Variants in BRCA1 observed in about 807,000 individuals in gnomAD.
BRCA1 encodes the protein breast cancer type 1 susceptibility protein.
A neutral mutation model predicts 173.7 loss-of-function variants in BRCA1; 140 were observed. The observed-to-expected ratio is 0.81, with a 90% CI of 0.70 to 0.93. BRCA1 has a LOEUF of 0.93. Among genes scored for constraint, BRCA1 ranks in the 40% least tolerant of loss-of-function variants. The probability of loss-of-function intolerance (pLI) is 0.00; values close to 1 mark genes in which losing one functional copy is unlikely to be tolerated. For missense variants in BRCA1, 1,983 were observed against 2,172.5 expected, an observed-to-expected ratio of 0.91 and a Z score of 1.73; for synonymous variants, 662 against 756.0, an observed-to-expected ratio of 0.88 and a Z score of 2.04.
intron 1 of BRCA1, among the ~76,000 whole-genome samples, chr17:43,147,559 C>T (rs1191242869): frequency 3.3e-5 from 5 of 152,096 alleles, no homozygotes; most frequent in African/African-American, 9.7e-5. Flanking sequence ...CCACCCGCCT[C>T]GGCCTCCCAA....
intron 1 of BRCA1, chr17:43,138,588 G>A: frequency 1.4e-6 from 1 of 727,082 alleles, no homozygotes; most frequent in Non-Finnish European, 2.6e-6. Flanking sequence ...TCCCCACCAT[G>A]CCTGGATGTG....
At chr17:43,164,185 G>A (rs1373445622) in intron 1 of BRCA1, 3 of 152,218 alleles carry the variant, frequency 2.0e-5, no homozygotes, top group African/African-American at 7.2e-5. Context: ...TGATCCTCTA[G>A]TAAAACGAAT....
At chr17:43,143,193 G>A (rs375940735) in intron 1 of BRCA1, among the ~76,000 whole-genome samples, 18 of 149,630 alleles carry the variant, frequency 1.2e-4, no homozygotes, top group African/African-American at 4.2e-4. Flanking sequence ...CGCCTGCCTT[G>A]GCCTCCCAAA....
At chr17:43,062,621 C>T (rs569237216) in intron 18 of BRCA1, among the ~76,000 whole-genome samples, 9 of 151,428 alleles carry the variant, frequency 5.9e-5, no homozygotes, top group African/African-American at 1.7e-4. Context: ...TTTTTTAAGA[C>T]GGAGTCTCGC....
At chr17:43,149,316 C>T (rs573291863) in intron 1 of BRCA1, among the ~76,000 whole-genome samples, 8 of 151,190 alleles carry the variant, frequency 5.3e-5, no homozygotes, top group African/African-American at 1.9e-4. Context: ...GGGGTTTCAC[C>T]ATGTTAGCGG....
intron 18 of BRCA1, among the ~76,000 whole-genome samples, chr17:43,062,345 T>C (rs2051801334): frequency 1.3e-5 from 2 of 152,146 alleles, no homozygotes; most frequent in Admixed American, 6.5e-5. Context: ...TCTTCCTGTC[T>C]CAGCCTCCCA....
rs80358107 is a variant in BRCA1 at position 43,056,974 on chromosome 17, C to T, written c.5277+78G>A. The T allele has an allele frequency of 9.7e-4, 1,254 of 1,296,012 alleles. 2 individuals carry two copies. Among genetic ancestry groups the T allele is most frequent in the Non-Finnish European group, 1.2e-3 (1,057 of 890,216 alleles). 80.3% of individuals were successfully genotyped at this position (1,296,012 alleles called of 1,614,324 possible). ...ATGTAATAAGTCTTACAAAATGAAG[C>T]GGCCCATCTCTGCAAAGGGGAGTGG... On this transcript the variant is annotated intron_variant, in intron 19 of 22. Transcript: ENST00000357654.
intron 7 of BRCA1, among the ~76,000 whole-genome samples, chr17:43,098,030 CT>C (rs35771473): frequency 1.7e-3 from 231 of 135,204 alleles, no homozygotes; most frequent in East Asian, 2.1e-3. Flanking sequence ...CTCAGCAGCT[CT>C]TTTTTTTTTT....
intron 19 of BRCA1, among the ~76,000 whole-genome samples, chr17:43,054,327 C>G (rs2051370690): frequency 6.6e-6 from 1 of 152,184 alleles, no homozygotes; most frequent in Non-Finnish European, 1.5e-5. Context: ...CTCAGCAGTT[C>G]AAAACTCCAG....
At chr17:43,154,360 T>G (rs1414281977) in intron 1 of BRCA1, among the ~76,000 whole-genome samples, 1 of 151,880 alleles carries the variant, frequency 6.6e-6, no homozygotes, top group Non-Finnish European at 1.5e-5. Context: ...GGCAGGCGCC[T>G]GTAATCCCAG....
intron 18 of BRCA1, among the ~76,000 whole-genome samples, chr17:43,058,375 AAAAAAC>A (rs2051602803): frequency 6.6e-6 from 1 of 151,462 alleles, no homozygotes; most frequent in African/African-American, 2.4e-5. Flanking sequence ...CTCTGCTAAA[AAAAAAC>A]ACACACACAC....
intron 1 of BRCA1, chr17:43,124,668 G>A (rs1211694487): frequency 2.3e-5 from 4 of 173,302 alleles, no homozygotes; most frequent in Admixed American, 5.7e-5. Flanking sequence ...ACAAAATCCT[G>A]TCTCCTCCCC....
Position 43,094,736 on chromosome 17 carries a change from AGAAC to A in BRCA1, c.791_794del (p.Ser264MetfsTer33), listed in dbSNP as rs80357707. Reference sequence around the variant, plus strand: ...ATGGCTCCACATGCAAGTTTGAAACAGAACTACCCTGATACTTTTCTGGATGCCT... The same window carrying A: ...ATGGCTCCACATGCAAGTTTGAAACATACCCTGATACTTTTCTGGATGCCT... On this transcript the variant is annotated frameshift_variant, in exon 10 of 23. Coordinates refer to ENST00000357654, the MANE Select transcript of BRCA1 (RefSeq NM_007294.4). LOFTEE classifies it high-confidence loss of function. 2 of 1,610,722 alleles carry A rather than the reference AGAAC, an allele frequency of 1.2e-6. No homozygotes were observed. Among genetic ancestry groups the A allele is most frequent in the Admixed American group, 1.7e-5 (1 of 59,608 alleles).
chr17:43,072,675 C>T (rs2052506159), intron 14 of BRCA1, among the ~76,000 whole-genome samples: 1 of 150,290 alleles, frequency 6.7e-6, no homozygotes, highest in Non-Finnish European at 1.5e-5. Flanking sequence ...AGCGATTCTC[C>T]TGCCTCAGCC....
chr17:43,049,611 A>G (rs1226117005), intron 20 of BRCA1, among the ~76,000 whole-genome samples: 1 of 152,170 alleles, frequency 6.6e-6, no homozygotes, highest in Non-Finnish European at 1.5e-5. Context: ...TGAAAATACC[A>G]TACTTGGTGG....
At chr17:43,089,609 A>G (rs545047287) in intron 11 of BRCA1, among the ~76,000 whole-genome samples, 1 of 150,056 alleles carries the variant, frequency 6.7e-6, no homozygotes, top group East Asian at 2.0e-4. Flanking sequence ...GAGCAGCAGC[A>G]TGATCTCAGC....
At chr17:43,145,111 A>C (rs2056111061) in intron 1 of BRCA1, 2 of 720,966 alleles carry the variant, frequency 2.8e-6, no homozygotes, top group Non-Finnish European at 5.2e-6. Flanking sequence ...AAGTGCAAAA[A>C]AAGGGAAAAG....
rs768401297 is a variant in BRCA1 at position 43,045,784 on chromosome 17, T to TC, written c.5485dup (p.Glu1829GlyfsTer51). 1 of 1,614,100 alleles carries TC rather than the reference T, an allele frequency of 6.2e-7. No individual in the cohort carries two copies. Among genetic ancestry groups the TC allele is most frequent in the Non-Finnish European group, 8.5e-7 (1 of 1,180,010 alleles). ...CCACTCTCGGGTCACCACAGGTGCC[T>TC]CACACATCTGCCCAATTGCTGGAGA... On this transcript the variant is annotated frameshift_variant, in exon 23 of 23. Transcript: ENST00000357654. LOFTEE classifies it high-confidence loss of function.
chr17:43,089,363 AGAT>A (rs1260780508), intron 11 of BRCA1, among the ~76,000 whole-genome samples: 1 of 152,052 alleles, frequency 6.6e-6, no homozygotes, highest in Admixed American at 6.6e-5. Flanking sequence ...TCTATGATGA[AGAT>A]GATATTCATT....
Sources: gnomAD v4.1 joint callset for allele counts (sites outside exome capture counted in the v4.1 genomes callset) on GRCh38, gnomAD v4.1.1 for gene constraint, MANE v1.5 for transcripts, NCBI Gene and HGNC (gene_info 2026-07-23, HGNC 2026-07-21) for gene names.